Variants in ATXN1 observed in about 807,000 individuals in gnomAD.
ATXN1 encodes ataxin 1.
ATXN1 carries 8 observed loss-of-function variants against 56.4 expected under a neutral mutation model. The observed-to-expected ratio is 0.14, with a 90% CI of 0.08 to 0.26. The LOEUF (loss-of-function observed/expected upper bound fraction) is 0.26. ATXN1 is among the 10% of genes least tolerant of loss of function. ATXN1 has a pLI of 1.00. For synonymous variants in ATXN1, 514 were observed against 494.6 expected, an observed-to-expected ratio of 1.04 and a Z score of -0.52; for missense variants, 987 against 1,106.5, an observed-to-expected ratio of 0.89 and a Z score of 1.53.
At chr6:16,307,718 TGTA>T (rs1472199693) in intron 7 of ATXN1, among the ~76,000 whole-genome samples, 2 of 150,202 alleles carry the variant, frequency 1.3e-5, no homozygotes, top group Admixed American at 1.3e-4. Flanking sequence ...CCTTTCTAGA[TGTA>T]GTAGACTAGG....
intron 6 of ATXN1, among the ~76,000 whole-genome samples, chr6:16,351,388 G>A (rs1761562423): frequency 6.8e-6 from 1 of 146,316 alleles, no homozygotes; most frequent in Non-Finnish European, 1.5e-5. Flanking sequence ...CCCAGTGAAT[G>A]TTTTTTTAAT....
intron 4 of ATXN1, among the ~76,000 whole-genome samples, chr6:16,569,781 A>G (rs190582745): frequency 6.6e-6 from 1 of 152,192 alleles, no homozygotes; most frequent in Non-Finnish European, 1.5e-5. Context: ...GACTATGTCC[A>G]CATGACTAAA....
intron 3 of ATXN1, among the ~76,000 whole-genome samples, chr6:16,607,433 A>G (rs1238882346): frequency 6.6e-6 from 1 of 152,242 alleles, no homozygotes; most frequent in Non-Finnish European, 1.5e-5. Context: ...CACATGTTTC[A>G]TGATCCACTT....
At chr6:16,714,360 C>A (rs1346736216) in intron 2 of ATXN1, among the ~76,000 whole-genome samples, 1 of 151,984 alleles carries the variant, frequency 6.6e-6, no homozygotes, top group African/African-American at 2.4e-5. Flanking sequence ...CTGGGAGGCA[C>A]CCACCACCAC....
chr6:16,416,552 C>T (rs1055056106), intron 6 of ATXN1, among the ~76,000 whole-genome samples: 8 of 152,336 alleles, frequency 5.3e-5, no homozygotes, highest in Admixed American at 3.3e-4. Flanking sequence ...AGTATAGTCC[C>T]TGGCCCAGAT....
rs1760806581 is a variant in ATXN1 at position 16,326,421 on chromosome 6, C to T, written c.1890G>A (p.Gln630=). Reference sequence around the variant, plus strand: ...GGGCTCGGTGCTCCCCGACGGCGAACTGTATCACGGCCACGCCCGGGCTAT... The same window carrying T: ...GGGCTCGGTGCTCCCCGACGGCGAATTGTATCACGGCCACGCCCGGGCTAT... ...DSHSPGVAVI[Q]FAVGEHRAQV... is the part of the protein sequence containing the mutation. The change falls in exon 7 of 8, where the codon CAG becomes CAA. Residue 630 remains glutamine, a synonymous_variant. Transcript: ENST00000436367. This position sits in a 1 kb window ranked among gnomAD's most constrained non-coding sequence, Gnocchi z 6.6. The T allele has an allele frequency of 1.2e-6, 2 of 1,613,958 alleles. No homozygotes were observed. Among genetic ancestry groups the T allele is most frequent in the East Asian group, 4.5e-5 (2 of 44,878 alleles).
rs59706950 is a variant in ATXN1 at position 16,320,417 on chromosome 6, C to T, written c.1917+5977G>A. Among the ~76,000 whole-genome samples, 345 of 146,484 alleles carry T rather than the reference C, an allele frequency of 2.4e-3. 3 individuals are homozygous for T. Among genetic ancestry groups the T allele is most frequent in the African/African-American group, 8.8e-3 (331 of 37,652 alleles). On this transcript the variant is annotated intron_variant, in intron 7 of 7. Coordinates refer to ENST00000436367, the MANE Select transcript of ATXN1 (RefSeq NM_001128164.2). ...AGTCACCTCGGGAGGCGCTGGGAAGCGACAGACGGCCCTAATAACACAGAG... is the reference window on the plus strand; with the variant it reads ...AGTCACCTCGGGAGGCGCTGGGAAGTGACAGACGGCCCTAATAACACAGAG...
intron 4 of ATXN1, among the ~76,000 whole-genome samples, chr6:16,566,855 CAAA>C (rs1762232589): frequency 1.5e-5 from 1 of 66,508 alleles, no homozygotes; most frequent in Non-Finnish European, 2.9e-5. Context: ...GACTCCGTCT[CAAA>C]AACAACAACA....
rs186949394 is a variant in ATXN1, at chr6:16,437,035, T to C, written c.-161+48937A>G. On this transcript the variant is annotated intron_variant, in intron 6 of 7. Coordinates refer to ENST00000436367, the MANE Select transcript of ATXN1 (RefSeq NM_001128164.2). ...TAACTGGAAGGAGATGGGAAGGCAG[T>C]GGGAGAAGCAGGTTGGGGTAGAATA... Among the ~76,000 whole-genome samples the C allele has an allele frequency of 4.3e-4, 66 of 152,052 alleles. No homozygotes were observed. The East Asian group carries it at 0.011, about 26-fold the overall frequency.
rs926226121 is a variant in ATXN1, at chr6:16,391,735, C to T, written c.-160-63265G>A. Among the ~76,000 whole-genome samples the T allele has an allele frequency of 2.0e-5, 3 of 152,272 alleles. No individual in the cohort carries two copies. In the East Asian group the frequency reaches 5.8e-4, roughly 29 times the overall value. On this transcript the variant is annotated intron_variant, in intron 6 of 7. Coordinates refer to ENST00000436367, the MANE Select transcript of ATXN1 (RefSeq NM_001128164.2). ...AAAGCAATGTGTCCTATGAACTAGA[C>T]TTTTCACCTGTAAGCATGGCAGGAA...
intron 4 of ATXN1, among the ~76,000 whole-genome samples, chr6:16,582,945 G>A (rs928554077): frequency 1.3e-5 from 2 of 152,184 alleles, no homozygotes; most frequent in African/African-American, 2.4e-5. Context: ...CTCATGAGGT[G>A]CCTCATCAGA....
At chr6:16,517,747 T>C (rs1554112512) in intron 5 of ATXN1, among the ~76,000 whole-genome samples, 1 of 152,148 alleles carries the variant, frequency 6.6e-6, no homozygotes, top group Non-Finnish European at 1.5e-5. Flanking sequence ...CATACAAAGA[T>C]ACACACATGC....
At chr6:16,475,000 A>T (rs908961140) in intron 6 of ATXN1, among the ~76,000 whole-genome samples, 2 of 152,188 alleles carry the variant, frequency 1.3e-5, no homozygotes, top group African/African-American at 4.8e-5. Flanking sequence ...AGACACGGTA[A>T]CCACATCAAA....
In ATXN1 at chr6:16,306,797, G is replaced by C; in HGVS notation, c.1980C>G (p.Cys660Trp). 6.2e-7 allele frequency: 1 copy of C among 1,613,990 alleles called. No individual in the cohort carries two copies. Residue 660 changes from cysteine (C) to tryptophan (W), a missense_variant, in exon 8 of 8, where the codon TGC becomes TGG. Around this residue, in one of 3 missense-constraint regions of ATXN1, gnomAD observed 196 missense variants for 196.7 expected, o/e 1.00. Coordinates refer to ENST00000436367, the MANE Select transcript of ATXN1 (RefSeq NM_001128164.2). The surrounding 1 kb of genome is among the most constrained non-coding windows in gnomAD (Gnocchi z 5.2). ...AGAGCTGGCTGGTTCTCTCCGGACAGCAGGATGACCAGCCCTGTCCAAACA... is the reference window on the plus strand; with the variant it reads ...AGAGCTGGCTGGTTCTCTCCGGACACCAGGATGACCAGCCCTGTCCAAACA... ...FFVFGQGWSSCCPERTSQLFD... is the reference protein window; with the variant it reads ...FFVFGQGWSSWCPERTSQLFD...
chr6:16,500,232 G>A (rs235157), intron 5 of ATXN1, among the ~76,000 whole-genome samples: 7,507 of 152,276 alleles, frequency 0.049, 352 homozygotes, highest in South Asian at 0.16. Context: ...CCGTGTGAAA[G>A]TAAGTTTATT....
chr6:16,468,466 G>A (rs1463745630), intron 6 of ATXN1, among the ~76,000 whole-genome samples: 2 of 152,202 alleles, frequency 1.3e-5, no homozygotes, highest in Non-Finnish European at 1.5e-5. Context: ...TGGGATTACA[G>A]GCGTGAGCCA....
In ATXN1 at chr6:16,761,365, C is replaced by G; in HGVS notation, c.-797G>C. The G allele has an allele frequency of 2.2e-6, 1 of 456,438 alleles. No individual in the cohort carries two copies. Among genetic ancestry groups the G allele is most frequent in the Non-Finnish European group, 4.4e-6 (1 of 226,928 alleles). 28.3% of individuals were successfully genotyped at this position (456,438 alleles called of 1,614,324 possible). ...GCAGAGGGAGAGAAACAATGTCTTG[C>G]GGCTGCTGTTGCTCTGGCTGCTGCT... is the stretch of plus-strand genomic sequence containing the variant. On this transcript the variant is annotated 5_prime_UTR_variant, in exon 1 of 8. Coordinates refer to ENST00000436367, the MANE Select transcript of ATXN1 (RefSeq NM_001128164.2).
At chr6:16,440,031 T>C (rs1709171) in intron 6 of ATXN1, among the ~76,000 whole-genome samples, 102,270 of 150,378 alleles carry the variant, frequency 0.68, 35,458 homozygotes, top group African/African-American at 0.82. Flanking sequence ...GCTGAGACGG[T>C]GCCATTGCAC....
At chr6:16,512,401 G>C (rs1017314824) in intron 5 of ATXN1, among the ~76,000 whole-genome samples, 1 of 152,260 alleles carries the variant, frequency 6.6e-6, no homozygotes, top group East Asian at 1.9e-4. Flanking sequence ...GAAGAGTAAC[G>C]CATTTCAAAT....
Sources: gnomAD v4.1 joint callset for allele counts (sites outside exome capture counted in the v4.1 genomes callset) on GRCh38, gnomAD v4.1.1 for gene constraint, gnomAD v4.1.1 regional missense constraint, Gnocchi (gnomAD v3.1) non-coding constraint, MANE v1.5 for transcripts, NCBI Gene and HGNC (gene_info 2026-07-23, HGNC 2026-07-21) for gene names.